Variants in IGF2BP2 observed in about 807,000 individuals in gnomAD.
IGF2BP2 encodes the protein insulin like growth factor 2 mRNA binding protein 2.
A neutral mutation model predicts 75.8 loss-of-function variants in IGF2BP2; 17 were observed. That is an observed-to-expected ratio of 0.22 (90% CI 0.15 to 0.34). IGF2BP2 has a LOEUF of 0.34. IGF2BP2 is among the 10% of genes least tolerant of loss of function. The probability of loss-of-function intolerance (pLI) is 1.00; values close to 1 mark genes in which losing one functional copy is unlikely to be tolerated. For synonymous variants in IGF2BP2, 288 were observed against 295.6 expected (o/e 0.97, Z 0.26); for missense variants, 516 against 772.4 (o/e 0.67, Z 3.93).
At chr3:185,786,550 C>T (rs978355131) in intron 2 of IGF2BP2, among the ~76,000 whole-genome samples, 5 of 152,022 alleles carry the variant, frequency 3.3e-5, no homozygotes, top group African/African-American at 7.3e-5. Context: ...CGCCCCTGCC[C>T]GTAAGAGAAA....
intron 7 of IGF2BP2, among the ~76,000 whole-genome samples, chr3:185,686,682 T>C (rs570991277): frequency 1.3e-5 from 2 of 152,330 alleles, no homozygotes; most frequent in South Asian, 4.1e-4. Context: ...TCTTCCACTG[T>C]ACTAGCCACA....
chr3:185,747,118 A>C (rs1348886783), intron 2 of IGF2BP2, among the ~76,000 whole-genome samples: 2 of 152,208 alleles, frequency 1.3e-5, no homozygotes, highest in African/African-American at 4.8e-5. Context: ...ATATCAATGG[A>C]ATTACTATGT....
At chr3:185,664,839 T>C (rs1464732079) in intron 10 of IGF2BP2, among the ~76,000 whole-genome samples, 2 of 151,448 alleles carry the variant, frequency 1.3e-5, no homozygotes, top group Admixed American at 6.6e-5. Flanking sequence ...AAGGAGAAAA[T>C]AAAGTGGATG....
intron 2 of IGF2BP2, among the ~76,000 whole-genome samples, chr3:185,700,246 G>A (rs1723109339): frequency 6.6e-6 from 1 of 152,048 alleles, no homozygotes; most frequent in Non-Finnish European, 1.5e-5. Context: ...GAAACAAATG[G>A]GGAAATAATG....
chr3:185,646,553 T>C (rs961526906), intron 15 of IGF2BP2, among the ~76,000 whole-genome samples: 1 of 152,110 alleles, frequency 6.6e-6, no homozygotes, highest in Non-Finnish European at 1.5e-5. Context: ...AGTATTTTGA[T>C]AGGGTGGGTT....
chr3:185,819,977 C>T (rs897933440), intron 2 of IGF2BP2, among the ~76,000 whole-genome samples: 3 of 151,896 alleles, frequency 2.0e-5, no homozygotes, highest in African/African-American at 7.3e-5. Context: ...GGAGTGAACA[C>T]AATTACTGAT....
chr3:185,665,518 AAGGAGGAGG>A (rs1325141432), intron 10 of IGF2BP2, among the ~76,000 whole-genome samples: 3 of 72,278 alleles, frequency 4.2e-5, no homozygotes, highest in African/African-American at 1.6e-4. Context: ...GGAGGAGGAG[AAGGAGGAGG>A]AGGAGAAGGA....
chr3:185,793,773 C>T lies in IGF2BP2; in HGVS notation c.239+29380G>A, dbSNP rs573475178. ...AAAGCACTGAGAGAAACAGCCCTGT[C>T]TCTGGGCCTGGTGTCAAAGCAGGTT... is the stretch of plus-strand genomic sequence containing the variant. On this transcript the variant is annotated intron_variant, in intron 2 of 15. Coordinates refer to ENST00000382199, the MANE Select transcript of IGF2BP2 (RefSeq NM_006548.6). Among the ~76,000 whole-genome samples, 10 of 152,196 alleles carry T rather than the reference C, an allele frequency of 6.6e-5. No homozygotes were observed. In the South Asian group the frequency reaches 1.9e-3, roughly 28 times the overall value.
intron 10 of IGF2BP2, among the ~76,000 whole-genome samples, chr3:185,663,681 G>T (rs575337562): frequency 6.1e-4 from 93 of 152,134 alleles, no homozygotes; most frequent in African/African-American, 2.2e-3. Flanking sequence ...CCAGGCATAG[G>T]AATTATGTTT....
chr3:185,703,785 G>GA lies in IGF2BP2; in HGVS notation c.240-5439dup, dbSNP rs1427060327. 2.6e-5 allele frequency among the ~76,000 whole-genome samples: 4 copies of GA among 152,008 alleles called. No homozygotes were observed. In the East Asian group the frequency reaches 7.7e-4, roughly 29 times the overall value. On this transcript the variant is annotated intron_variant, in intron 2 of 15. Transcript: ENST00000382199. ...GAGAAACTGTCTCAAAAGAAAGAAA[G>GA]AAAGAGAGAAAGAAAGAAAGCAAAA... is the stretch of plus-strand genomic sequence containing the variant.
intron 2 of IGF2BP2, among the ~76,000 whole-genome samples, chr3:185,742,560 G>A (rs566876067): frequency 3.6e-4 from 55 of 152,204 alleles, no homozygotes; most frequent in African/African-American, 1.3e-3. Context: ...GGGAGGCTGA[G>A]GTGGGAGGAT....
At position 185,689,537 on chromosome 3, in the gene IGF2BP2, G is replaced by A. The variant is rs1721628058; in HGVS notation, c.495C>T (p.Pro165=). The A allele has an allele frequency of 6.2e-7, 1 of 1,614,106 alleles. No individual in the cohort carries two copies. ...IPDEEVSSPS[P]PQRAQRGDHS... ...GGTCCCCACGCTGGGCTCGCTGAGG[G>A]GGCGAAGGGGAGCTCACCTCTTCAT... The change falls in exon 6 of 16, where the codon CCC becomes CCT. Residue 165 remains proline (P), a synonymous_variant. Transcript: ENST00000382199.
chr3:185,673,304 G>A (rs1285182049), intron 9 of IGF2BP2, among the ~76,000 whole-genome samples: 1 of 152,180 alleles, frequency 6.6e-6, no homozygotes, highest in African/African-American at 2.4e-5. Flanking sequence ...CTGGTATATA[G>A]TAAGTACTCA....
At chr3:185,780,164 A>G (rs1417290986) in intron 2 of IGF2BP2, among the ~76,000 whole-genome samples, 1 of 152,212 alleles carries the variant, frequency 6.6e-6, no homozygotes, top group Non-Finnish European at 1.5e-5. Context: ...ATGCCTCATT[A>G]TATATTCTCT....
rs1713209288 is a variant in IGF2BP2, at chr3:185,644,643, A to C, written c.*888T>G. Reference sequence around the variant, plus strand: ...TTGAGATGGAGGGATGAGGAAATTCAAAAGAATGGAGATGGAGAAGAAGGG... The same window carrying C: ...TTGAGATGGAGGGATGAGGAAATTCCAAAGAATGGAGATGGAGAAGAAGGG... On this transcript the variant is annotated 3_prime_UTR_variant, in exon 16 of 16. Transcript: ENST00000382199. 7.0e-6 allele frequency: 1 copy of C among 142,810 alleles called. No homozygotes were observed. Among genetic ancestry groups the C allele is most frequent in the Non-Finnish European group, 1.6e-5 (1 of 64,038 alleles). The allele number at this position is 142,810 out of a possible 1,614,324, so 8.8% of individuals were successfully genotyped here. A position where few individuals can be genotyped will look rare whatever the true frequency, so the allele number is the denominator to read the frequency against.
rs766209677 is a variant in IGF2BP2 at position 185,824,980 on chromosome 3, C to A, written c.-20G>T. The stretch of plus-strand genomic sequence containing the variant: ...CATCATCCGTCTCTTCCCCGAGAGC[C>A]CGCGGCTCCCCCGGCCCGGTACCCG... On this transcript the variant is annotated 5_prime_UTR_variant, in exon 1 of 16. Coordinates refer to ENST00000382199, the MANE Select transcript of IGF2BP2 (RefSeq NM_006548.6). 2.7e-6 allele frequency: 4 copies of A among 1,478,740 alleles called. No homozygotes were observed. Among genetic ancestry groups the A allele is most frequent in the Non-Finnish European group, 3.6e-6 (4 of 1,098,640 alleles). The allele number at this position is 1,478,740 out of a possible 1,614,324, so 91.6% of individuals were successfully genotyped here.
intron 12 of IGF2BP2, among the ~76,000 whole-genome samples, chr3:185,654,212 C>G (rs1676700382): frequency 6.6e-6 from 1 of 152,204 alleles, no homozygotes. Flanking sequence ...TCCTGGGGGA[C>G]TTCCTTTGCT....
At chr3:185,704,731 T>C (rs111677860) in intron 2 of IGF2BP2, among the ~76,000 whole-genome samples, 1 of 152,292 alleles carries the variant, frequency 6.6e-6, no homozygotes, top group Non-Finnish European at 1.5e-5. Context: ...ATTACAGGCA[T>C]GAGCCACCAC....
chr3:185,821,531 G>A (rs1353888468), intron 2 of IGF2BP2, among the ~76,000 whole-genome samples: 1 of 152,076 alleles, frequency 6.6e-6, no homozygotes, highest in Admixed American at 6.6e-5. Flanking sequence ...GAAGTTTTAG[G>A]AGCTGTTAAT....
Sources: gnomAD v4.1 joint callset for allele counts (sites outside exome capture counted in the v4.1 genomes callset) on GRCh38, gnomAD v4.1.1 for gene constraint, MANE v1.5 for transcripts, NCBI Gene and HGNC (gene_info 2026-07-23, HGNC 2026-07-21) for gene names.